The following COMMD10 variants were observed in gnomAD, a reference collection of about 807,000 sequenced individuals.
The protein encoded by COMMD10 is COMM domain containing 10.
Under a neutral mutation model 28.9 loss-of-function variants are expected in COMMD10, and 33 were observed. That is an observed-to-expected ratio of 1.14 (90% CI 0.87 to 1.53). COMMD10 has a LOEUF of 1.53. COMMD10 is among the 40% of genes most tolerant of loss of function. The pLI is 0.00. For synonymous variants in COMMD10, 110 were observed against 81.7 expected (o/e 1.35, Z -1.87); for missense variants, 310 against 233.4 (o/e 1.33, Z -2.14).
chr5:116,134,317 G>C, intron 5 of COMMD10, 139 bp downstream of exon 5: 1 of 549,348 alleles, frequency 1.8e-6, no homozygotes, highest in Non-Finnish European at 3.3e-6. Flanking sequence ...GATCTTTTTT[G>C]ACAGAAATAG....
chr5:116,212,655 A>G, intron 5 of COMMD10, among the ~76,000 whole-genome samples: 1 of 152,184 alleles, frequency 6.6e-6, no homozygotes, highest in African/African-American at 2.4e-5. Context: ...ATTACTATTG[A>G]CATTTTATTG....
At chr5:116,153,553 C>T (rs1317535488) in intron 5 of COMMD10, among the ~76,000 whole-genome samples, 1 of 151,980 alleles carries the variant, frequency 6.6e-6, no homozygotes, top group Non-Finnish European at 1.5e-5. Flanking sequence ...CATTTATTGA[C>T]CAATTAATAT....
At chr5:116,265,574 A>G (rs1750562296) in intron 5 of COMMD10, among the ~76,000 whole-genome samples, 1 of 151,666 alleles carries the variant, frequency 6.6e-6, no homozygotes, top group South Asian at 2.1e-4. Flanking sequence ...TTGAAAACTT[A>G]AAAAAAATTC....
chr5:116,090,709 A>G (rs1750266838), intron 2 of COMMD10, among the ~76,000 whole-genome samples: 2 of 152,180 alleles, frequency 1.3e-5, no homozygotes, highest in Non-Finnish European at 2.9e-5. Context: ...GAAATGGGAG[A>G]ATTATGAAAA....
intron 5 of COMMD10, among the ~76,000 whole-genome samples, chr5:116,137,369 A>T (rs1051038048): frequency 2.0e-5 from 3 of 152,056 alleles, no homozygotes; most frequent in Admixed American, 1.3e-4. Flanking sequence ...CTTTTACAAA[A>T]AGGGAGATTA....
chr5:116,164,426 G>T (rs1474846636), intron 5 of COMMD10, among the ~76,000 whole-genome samples: 1 of 152,164 alleles, frequency 6.6e-6, no homozygotes, highest in Non-Finnish European at 1.5e-5. Context: ...ATTGACAGTT[G>T]TTCACACAAA....
At chr5:116,103,082 G>T (rs1459467152) in intron 4 of COMMD10, among the ~76,000 whole-genome samples, 1 of 152,110 alleles carries the variant, frequency 6.6e-6, no homozygotes, top group African/African-American at 2.4e-5. Flanking sequence ...ATGGGCATTT[G>T]GGTTGGTTCC....
intron 5 of COMMD10, among the ~76,000 whole-genome samples, chr5:116,219,025 C>G (rs1749176175): frequency 6.6e-6 from 1 of 152,018 alleles, no homozygotes; most frequent in Non-Finnish European, 1.5e-5. Flanking sequence ...TGACTGGTGT[C>G]TTTGTAAGAA....
At chr5:116,226,222 T>A (rs1392663820) in intron 5 of COMMD10, among the ~76,000 whole-genome samples, 1 of 152,024 alleles carries the variant, frequency 6.6e-6, no homozygotes, top group African/African-American at 2.4e-5. Context: ...TATTGGTATC[T>A]CTGGGGTTTT....
At chr5:116,226,683 T>A (rs1031159408) in intron 5 of COMMD10, among the ~76,000 whole-genome samples, 2 of 151,920 alleles carry the variant, frequency 1.3e-5, no homozygotes, top group East Asian at 3.9e-4. Flanking sequence ...CTGAAGCCAA[T>A]ACCTTGGGAA....
At chr5:116,172,470 C>T (rs542666176) in intron 5 of COMMD10, among the ~76,000 whole-genome samples, 1 of 152,252 alleles carries the variant, frequency 6.6e-6, no homozygotes, top group African/African-American at 2.4e-5. Context: ...CTTTTTGATT[C>T]TACAAAATCA....
At chr5:116,112,731 A>G (rs1204932155) in intron 4 of COMMD10, among the ~76,000 whole-genome samples, 1 of 152,038 alleles carries the variant, frequency 6.6e-6, no homozygotes, top group Non-Finnish European at 1.5e-5. Context: ...GCCAACGTGT[A>G]TTTTTTAGTA....
chr5:116,131,316 T>C (rs913228226), intron 4 of COMMD10, among the ~76,000 whole-genome samples: 4 of 151,956 alleles, frequency 2.6e-5, no homozygotes, highest in Admixed American at 6.6e-5. Context: ...TGTTTACTCA[T>C]TATAAAAAGG....
At chr5:116,188,760 C>T (rs1482368595) in intron 5 of COMMD10, among the ~76,000 whole-genome samples, 1 of 151,464 alleles carries the variant, frequency 6.6e-6, no homozygotes, top group East Asian at 2.0e-4. Context: ...TCCCAAGTAG[C>T]TGAGACTACA....
At chr5:116,154,158 A>G (rs114345434) in intron 5 of COMMD10, among the ~76,000 whole-genome samples, 2,226 of 152,204 alleles carry the variant, frequency 0.015, 61 homozygotes, top group African/African-American at 0.05. Flanking sequence ...GTAGAGTGTA[A>G]ACATTATCAT....
rs1168715126 is a variant in COMMD10, at chr5:116,085,047, C to T, written c.-6C>T. On this transcript the variant is annotated 5_prime_UTR_variant, in exon 1 of 7. Transcript: ENST00000274458. ...AACAGACGGCGGCAGTGCGAGAAAG[C>T]CGAAGATGGCGGTCCCCGCGGCGCT... The T allele has an allele frequency of 1.2e-6, 2 of 1,607,480 alleles. No individual in the cohort carries two copies. Among genetic ancestry groups the T allele is most frequent in the Admixed American group, 1.7e-5 (1 of 59,446 alleles).
Position 116,239,601 on chromosome 5 carries a change from C to T in COMMD10, c.511-51916C>T, listed in dbSNP as rs185836941. 1.6e-4 allele frequency among the ~76,000 whole-genome samples: 24 copies of T among 152,088 alleles called. No homozygotes were observed. In the East Asian group the frequency reaches 3.9e-3, roughly 25 times the overall value. On this transcript the variant is annotated intron_variant, in intron 5 of 6. Coordinates refer to ENST00000274458, the MANE Select transcript of COMMD10 (RefSeq NM_016144.4). Reference sequence around the variant, plus strand: ...CCTTTGCAGGTAATGCCAACTTCCACGACATTTAGAAGATTCATAAAGTGC... The same window carrying T: ...CCTTTGCAGGTAATGCCAACTTCCATGACATTTAGAAGATTCATAAAGTGC...
intron 5 of COMMD10, among the ~76,000 whole-genome samples, chr5:116,144,657 A>G (rs1752289248): frequency 6.6e-6 from 1 of 151,856 alleles, no homozygotes; most frequent in African/African-American, 2.4e-5. Flanking sequence ...CAGAAAAGAG[A>G]AGAATGGACA....
intron 5 of COMMD10, among the ~76,000 whole-genome samples, chr5:116,150,268 T>C (rs1752479489): frequency 6.6e-6 from 1 of 152,136 alleles, no homozygotes; most frequent in African/African-American, 2.4e-5. Flanking sequence ...AGCCTTGTAG[T>C]ATAGTTTGAA....
Sources: gnomAD v4.1 joint callset for allele counts (sites outside exome capture counted in the v4.1 genomes callset) on GRCh38, gnomAD v4.1.1 for gene constraint, MANE v1.5 for transcripts, NCBI Gene and HGNC (gene_info 2026-07-23, HGNC 2026-07-21) for gene names.